Variants in SLC24A2 observed in about 807,000 individuals in gnomAD.
SLC24A2 encodes solute carrier family 24 member 2.
SLC24A2 carries 36 observed loss-of-function variants against 62.0 expected under a neutral mutation model. The observed-to-expected ratio is 0.58, with a 90% CI of 0.44 to 0.77. The LOEUF (loss-of-function observed/expected upper bound fraction) is 0.77. SLC24A2 is among the 30% of genes least tolerant of loss of function. SLC24A2 has a pLI of 0.00. For missense variants in SLC24A2, 846 were observed against 817.9 expected (o/e 1.03, Z -0.42); for synonymous variants, 358 against 294.0 (o/e 1.22, Z -2.23).
At chr9:19,809,080 G>A in the SLC24A2 span, among the ~76,000 whole-genome samples, 1 of 152,252 alleles carries the variant, frequency 6.6e-6, no homozygotes, top group Middle Eastern at 3.4e-3. Flanking sequence ...ATGAGTTAAT[G>A]AGTATACCTT....
At chr9:19,978,165 A>G in the SLC24A2 span, among the ~76,000 whole-genome samples, 1 of 152,166 alleles carries the variant, frequency 6.6e-6, no homozygotes, top group East Asian at 1.9e-4. Flanking sequence ...ATGTGGTTCT[A>G]TTTACAAAAT....
At chr9:19,991,232 A>G in the SLC24A2 span, among the ~76,000 whole-genome samples, 2 of 152,108 alleles carry the variant, frequency 1.3e-5, no homozygotes, top group Non-Finnish European at 2.9e-5. Context: ...TGAAGGCCCA[A>G]GAGCCCCTAG....
the SLC24A2 span, among the ~76,000 whole-genome samples, chr9:19,915,065 A>G: frequency 4.6e-5 from 7 of 152,098 alleles, no homozygotes; most frequent in African/African-American, 1.7e-4. Context: ...GAATATTCCC[A>G]TCACTCCCAA....
At chr9:19,772,227 C>T (rs1327203370) in intron 2 of SLC24A2, among the ~76,000 whole-genome samples, 1 of 152,128 alleles carries the variant, frequency 6.6e-6, no homozygotes, top group East Asian at 1.9e-4. Context: ...AGTCCTGGGC[C>T]CCAAACAACC....
the SLC24A2 span, among the ~76,000 whole-genome samples, chr9:20,146,783 AC>A: frequency 2.6e-5 from 4 of 152,030 alleles, no homozygotes; most frequent in African/African-American, 9.7e-5. Flanking sequence ...GGCAAGAGAT[AC>A]CCTTGATCTG....
intron 2 of SLC24A2, among the ~76,000 whole-genome samples, chr9:19,766,743 C>G (rs1822527668): frequency 6.6e-6 from 1 of 152,218 alleles, no homozygotes; most frequent in Non-Finnish European, 1.5e-5. Flanking sequence ...CTGCTGGGAG[C>G]TGTCTCCCCT....
the SLC24A2 span, among the ~76,000 whole-genome samples, chr9:19,941,435 C>T: frequency 1.3e-5 from 2 of 152,102 alleles, no homozygotes; most frequent in Non-Finnish European, 2.9e-5. Flanking sequence ...TCAAAGCCTA[C>T]TTTAGTAATT....
At chr9:19,760,999 A>G (rs1189010739) in intron 2 of SLC24A2, among the ~76,000 whole-genome samples, 3 of 152,192 alleles carry the variant, frequency 2.0e-5, no homozygotes, top group African/African-American at 7.2e-5. Context: ...CCAACATGGC[A>G]CATGTATACG....
intron 2 of SLC24A2, among the ~76,000 whole-genome samples, chr9:19,718,690 G>A (rs1820938783): frequency 6.6e-6 from 1 of 152,042 alleles, no homozygotes; most frequent in African/African-American, 2.4e-5. Flanking sequence ...TATGGTCACT[G>A]CATCACGGAC....
chr9:20,031,267 G>C, the SLC24A2 span, among the ~76,000 whole-genome samples: 1 of 149,238 alleles, frequency 6.7e-6, no homozygotes, highest in Non-Finnish European at 1.5e-5. Flanking sequence ...TAAAATGTGT[G>C]TGTGCGCATA....
chr9:20,089,346 G>T, the SLC24A2 span, among the ~76,000 whole-genome samples: 1 of 152,106 alleles, frequency 6.6e-6, no homozygotes, highest in African/African-American at 2.4e-5. Context: ...CTCTGCCTCT[G>T]TCTGATCACC....
chr9:19,556,286 T>C (rs1835083240), intron 7 of SLC24A2, among the ~76,000 whole-genome samples: 1 of 152,194 alleles, frequency 6.6e-6, no homozygotes, highest in Admixed American at 6.5e-5. Context: ...CAAATAAACA[T>C]CAGGTCTTCG....
intron 2 of SLC24A2, among the ~76,000 whole-genome samples, chr9:19,774,358 A>T (rs75961522): frequency 0.017 from 2,532 of 152,328 alleles, 69 homozygotes; most frequent in African/African-American, 0.058. Context: ...AAGATCACAC[A>T]GCTAGGAAGG....
chr9:20,199,295 T>C, the SLC24A2 span, among the ~76,000 whole-genome samples: 120 of 152,262 alleles, frequency 7.9e-4, 1 homozygote, highest in Middle Eastern at 3.4e-3. Context: ...AAAGAACAAT[T>C]AGAGAGGTGT....
the SLC24A2 span, among the ~76,000 whole-genome samples, chr9:20,242,725 T>C: frequency 6.6e-6 from 1 of 152,210 alleles, no homozygotes; most frequent in African/African-American, 2.4e-5. Context: ...CTAATGCTAA[T>C]TAAAAACGGA....
chr9:19,723,169 T>C (rs760070602), intron 2 of SLC24A2, among the ~76,000 whole-genome samples: 1 of 152,144 alleles, frequency 6.6e-6, no homozygotes, highest in Non-Finnish European at 1.5e-5. Flanking sequence ...CAATGACAGA[T>C]GCCATTTTTA....
chr9:19,918,898 C>T, the SLC24A2 span, among the ~76,000 whole-genome samples: 1 of 152,122 alleles, frequency 6.6e-6, no homozygotes. Flanking sequence ...CACTGTGCAA[C>T]CACCACATAG....
chr9:19,530,489 C>T (rs1018460668), intron 8 of SLC24A2, among the ~76,000 whole-genome samples: 2 of 152,212 alleles, frequency 1.3e-5, no homozygotes, highest in Non-Finnish European at 2.9e-5. Flanking sequence ...ATTATTTTAA[C>T]TTTGTACCTC....
At chr9:20,150,520 T>C in the SLC24A2 span, among the ~76,000 whole-genome samples, 7 of 152,020 alleles carry the variant, frequency 4.6e-5, no homozygotes, top group African/African-American at 1.7e-4. Context: ...GCTGGAATCT[T>C]TCTAGAAAGC....
Sources: allele counts gnomAD v4.1 joint callset (sites outside exome capture counted in the v4.1 genomes callset), GRCh38; gene constraint gnomAD v4.1.1; transcripts MANE v1.5; gene names NCBI Gene and HGNC (gene_info 2026-07-23, HGNC 2026-07-21).